ZSWIM5: variants seen among roughly 807,000 people sequenced by gnomAD.
ZSWIM5 encodes the protein zinc finger SWIM-type containing 5.
Under a neutral mutation model 119.6 loss-of-function variants are expected in ZSWIM5, and 55 were observed. The ratio of observed to expected loss-of-function variants is 0.46; its 90% confidence interval spans 0.37 to 0.58. ZSWIM5 has a LOEUF of 0.58. Ranked by LOEUF, ZSWIM5 falls within the 20% of genes least tolerant of loss-of-function variation. The pLI is 0.00. For synonymous variants in ZSWIM5, 537 were observed against 606.9 expected (o/e 0.88, Z 1.69); for missense variants, 1,193 against 1,512.8 (o/e 0.79, Z 3.51).
chr1:45,130,736 C>T (rs559218248), intron 1 of ZSWIM5, among the ~76,000 whole-genome samples: 1 of 152,262 alleles, frequency 6.6e-6, no homozygotes, highest in East Asian at 1.9e-4. Context: ...AATTGCACTC[C>T]TGGGCATTCA....
At chr1:45,071,823 C>T (rs906084493) in intron 2 of ZSWIM5, among the ~76,000 whole-genome samples, 1 of 152,088 alleles carries the variant, frequency 6.6e-6, no homozygotes, top group Non-Finnish European at 1.5e-5. Flanking sequence ...TTTCTTTATC[C>T]ATTCGTCTGC....
At chr1:45,130,276 G>C (rs1193464520) in intron 1 of ZSWIM5, among the ~76,000 whole-genome samples, 1 of 152,128 alleles carries the variant, frequency 6.6e-6, no homozygotes, top group Non-Finnish European at 1.5e-5. Context: ...TTAATAGGAT[G>C]AAAGGACAAG....
intron 1 of ZSWIM5, among the ~76,000 whole-genome samples, chr1:45,119,401 G>A (rs542864705): frequency 2.6e-5 from 4 of 152,124 alleles, no homozygotes; most frequent in South Asian, 2.1e-4. Context: ...GGAAATACTC[G>A]GGCCCATCCC....
intron 1 of ZSWIM5, among the ~76,000 whole-genome samples, chr1:45,191,574 T>C (rs1395479469): frequency 6.6e-6 from 1 of 152,200 alleles, no homozygotes; most frequent in African/African-American, 2.4e-5. Context: ...GAAGTCTCCG[T>C]TGTGATTGCA....
chr1:45,205,571 T>C (rs1646182774), intron 1 of ZSWIM5, among the ~76,000 whole-genome samples, 185 bp downstream of exon 1: 1 of 151,948 alleles, frequency 6.6e-6, no homozygotes, highest in African/African-American at 2.4e-5. Context: ...AGAGGGTCAG[T>C]GGAGGAAAGA....
chr1:45,131,395 A>G (rs1645655610), intron 1 of ZSWIM5, among the ~76,000 whole-genome samples: 1 of 152,166 alleles, frequency 6.6e-6, no homozygotes, highest in African/African-American at 2.4e-5. Flanking sequence ...GAGCCAATGA[A>G]CTCACAGAGC....
intron 2 of ZSWIM5, among the ~76,000 whole-genome samples, chr1:45,074,555 G>A (rs1645244712): frequency 6.6e-6 from 1 of 151,670 alleles, no homozygotes; most frequent in Non-Finnish European, 1.5e-5. Context: ...AATTTCTGTG[G>A]TATCAGCTGT....
chr1:45,131,724 C>CAAAAAAAAAAAAAAAAAA, intron 1 of ZSWIM5, among the ~76,000 whole-genome samples: 1 of 74,224 alleles, frequency 1.3e-5, no homozygotes, highest in Non-Finnish European at 2.7e-5. Context: ...GACTCTGTCT[C>CAAAAAAAAAAAAAAAAAA]AAAAAAAAAA....
At chr1:45,141,554 AC>A in intron 1 of ZSWIM5, among the ~76,000 whole-genome samples, 1 of 152,302 alleles carries the variant, frequency 6.6e-6, no homozygotes, top group Middle Eastern at 3.4e-3. Flanking sequence ...TGGGGTCTGA[AC>A]CCAACCAGAT....
chr1:45,055,765 T>C (rs796513446), intron 4 of ZSWIM5, among the ~76,000 whole-genome samples: 2 of 152,222 alleles, frequency 1.3e-5, no homozygotes, highest in African/African-American at 4.8e-5. Flanking sequence ...CAAAGGAGAC[T>C]GAGTGAAAGT....
chr1:45,106,941 T>C (rs1038800315), intron 1 of ZSWIM5, among the ~76,000 whole-genome samples: 3 of 152,220 alleles, frequency 2.0e-5, no homozygotes, highest in Admixed American at 6.5e-5. Context: ...CTGAAACATG[T>C]GCGTGTCAAC....
chr1:45,189,971 G>A (rs1218302310), intron 1 of ZSWIM5, among the ~76,000 whole-genome samples: 1 of 152,044 alleles, frequency 6.6e-6, no homozygotes, highest in Non-Finnish European at 1.5e-5. Flanking sequence ...ATGAACAAAC[G>A]CAGTGGGCAA....
chr1:45,054,987 G>A (rs1211230033), intron 4 of ZSWIM5, among the ~76,000 whole-genome samples: 2 of 151,896 alleles, frequency 1.3e-5, no homozygotes, highest in Non-Finnish European at 2.9e-5. Flanking sequence ...CACCATGCCC[G>A]GTTAATTTTT....
At chr1:45,122,800 C>A (rs1447806270) in intron 1 of ZSWIM5, among the ~76,000 whole-genome samples, 3 of 152,196 alleles carry the variant, frequency 2.0e-5, no homozygotes, top group African/African-American at 7.2e-5. Context: ...CTACTCCAGA[C>A]AAACAGCACA....
At chr1:45,050,542 T>C (rs925561915) in intron 5 of ZSWIM5, among the ~76,000 whole-genome samples, 1 of 151,826 alleles carries the variant, frequency 6.6e-6, no homozygotes, top group Non-Finnish European at 1.5e-5. Flanking sequence ...GCTCAAAGGG[T>C]GGAGGGTATG....
intron 1 of ZSWIM5, among the ~76,000 whole-genome samples, chr1:45,099,953 C>T (rs754531304): frequency 3.9e-5 from 6 of 152,162 alleles, no homozygotes; most frequent in Non-Finnish European, 8.8e-5. Context: ...ACTGAATGGG[C>T]AAAAACTGGA....
At chr1:45,177,508 GTATGCAAAATATACCTTT>G in intron 1 of ZSWIM5, among the ~76,000 whole-genome samples, 1 of 152,206 alleles carries the variant, frequency 6.6e-6, no homozygotes, top group Admixed American at 6.5e-5. Context: ...TTACAGAGGG[GTATGCAAAATATACCTTT>G]AATAGCAAAA....
intron 1 of ZSWIM5, among the ~76,000 whole-genome samples, chr1:45,188,190 C>T (rs1570200371): frequency 6.6e-6 from 1 of 152,128 alleles, no homozygotes; most frequent in Non-Finnish European, 1.5e-5. Context: ...AGGAAAACAA[C>T]CCAAACATGC....
intron 1 of ZSWIM5, among the ~76,000 whole-genome samples, chr1:45,137,082 A>AT (rs1424756982): frequency 6.6e-6 from 1 of 151,974 alleles, no homozygotes. Flanking sequence ...ATGCCTTCAG[A>AT]TTTTTTTATT....
Sources: allele counts gnomAD v4.1 joint callset (sites outside exome capture counted in the v4.1 genomes callset), GRCh38; gene constraint gnomAD v4.1.1; transcripts MANE v1.5; gene names NCBI Gene and HGNC (gene_info 2026-07-23, HGNC 2026-07-21).